Variants in TOMM40L observed in about 807,000 individuals in gnomAD.
TOMM40L encodes translocase of outer mitochondrial membrane 40 like, also known as mitochondrial import receptor subunit TOM40B.
TOMM40L carries 17 observed loss-of-function variants against 38.3 expected under a neutral mutation model. The observed-to-expected ratio is 0.44, with a 90% CI of 0.30 to 0.67. The LOEUF (loss-of-function observed/expected upper bound fraction) is 0.67. TOMM40L is among the 30% of genes least tolerant of loss of function. The pLI is 0.08. For synonymous variants in TOMM40L, 151 were observed against 150.2 expected (o/e 1.01, Z -0.04); for missense variants, 294 against 390.0 (o/e 0.75, Z 2.07).
Position 161,229,988 on chromosome 1 carries a change from T to G in TOMM40L, c.*893T>G. ...AGGGAAATAAGGCAGTTGGGAGTCT[T>G]GTCTCTAGGCCCTGATCCCCTGAAC... On this transcript the variant is annotated 3_prime_UTR_variant, in exon 10 of 10. Transcript: ENST00000367988. 1.3e-6 allele frequency: 2 copies of G among 1,592,544 alleles called. No individual in the cohort carries two copies. The highest frequency in any genetic ancestry group is 1.7e-6 in the Non-Finnish European group (2 of 1,164,060).
rs756772255 is a variant in TOMM40L, at chr1:161,226,939, T to C, written c.167T>C (p.Leu56Pro). The change falls in exon 3 of 10, where the codon CTG becomes CCG. Residue 56 changes from leucine to proline, a missense_variant. By Grantham distance (98) the Leu-to-Pro change is moderately conservative (BLOSUM62 -3). Coordinates refer to ENST00000367988, the MANE Select transcript of TOMM40L (RefSeq NM_032174.6). The part of the protein sequence containing the change: ...EGVKLVVNKV[L>P]SSHFQVAHTI... ...GTGAAGCTCGTTGTCAACAAGGTTC[T>C]GAGCAGCCATTTCCAGGTGCTCCCA... The C allele has an allele frequency of 6.2e-7, 1 of 1,614,182 alleles. No individual in the cohort carries two copies. The highest frequency in any genetic ancestry group is 1.7e-5 in the Admixed American group (1 of 60,012).
intron 4 of TOMM40L, 71 bp downstream of exon 4, chr1:161,227,421 T>C (rs776489602): frequency 2.5e-5 from 36 of 1,440,966 alleles, no homozygotes; most frequent in Non-Finnish European, 3.3e-5. Flanking sequence ...GGAAGAGGAA[T>C]TGTGTGTGTT....
Position 161,229,678 on chromosome 1 carries a change from T to C in TOMM40L, c.*583T>C. 1 of 1,613,992 alleles carries C rather than the reference T, an allele frequency of 6.2e-7. No individual in the cohort carries two copies. Among genetic ancestry groups the C allele is most frequent in the South Asian group, 1.1e-5 (1 of 91,078 alleles). ...CATGAAGAGGCAGTTATTGCTTTAG[T>C]CTTTCATTGCAACCACTGGGCTCCC... On this transcript the variant is annotated 3_prime_UTR_variant, in exon 10 of 10. Transcript: ENST00000367988.
In TOMM40L at chr1:161,230,406, T is replaced by A; in HGVS notation, c.*1311T>A. 1 of 377,982 alleles carries A rather than the reference T, an allele frequency of 2.6e-6. No homozygotes were observed. The highest frequency in any genetic ancestry group is 5.1e-5 in the East Asian group (1 of 19,636). The allele number at this position is 377,982 out of a possible 1,614,324, so 23.4% of individuals were successfully genotyped here. A position where few individuals can be genotyped will look rare whatever the true frequency, so the allele number is the denominator to read the frequency against. On this transcript the variant is annotated 3_prime_UTR_variant, in exon 10 of 10. Coordinates refer to ENST00000367988, the MANE Select transcript of TOMM40L (RefSeq NM_032174.6). ...TTGACCATGAAACTGTGAATGGCCCTAACTTCAAGGGAAATGAGAAATCGA... is the reference window on the plus strand; with the variant it reads ...TTGACCATGAAACTGTGAATGGCCCAAACTTCAAGGGAAATGAGAAATCGA...
rs754641564 is a variant in TOMM40L, at chr1:161,230,721, G to A, written c.*1626G>A. On this transcript the variant is annotated 3_prime_UTR_variant, in exon 10 of 10. Transcript: ENST00000367988. The stretch of plus-strand genomic sequence containing the variant: ...ACGATACCTGAATTCCCTAAGGAAA[G>A]GACAGTAAAAAAACATTCCTCCCAA... 63 of 1,556,204 alleles carry A rather than the reference G, an allele frequency of 4.0e-5. No individual in the cohort carries two copies. The highest frequency in any genetic ancestry group is 5.3e-5 in the Non-Finnish European group (60 of 1,138,124).
chr1:161,228,804 C>T lies in TOMM40L; in HGVS notation c.774C>T (p.Asn258=), dbSNP rs1339771911. The T allele has an allele frequency of 1.2e-6, 2 of 1,614,146 alleles. No homozygotes were observed. The highest frequency in any genetic ancestry group is 3.3e-5 in the Admixed American group (2 of 60,028). ...FGYHLTLPQA[N]MVFRGLVDSN... ...ACCACCTGACTCTGCCCCAGGCCAA[C>T]ATGGTATTTAGAGGTGAGGGTTATT... The change falls in exon 9 of 10, where the codon AAC becomes AAT. Residue 258 remains asparagine, a synonymous_variant. Transcript: ENST00000367988.
chr1:161,229,933 AG>A lies in TOMM40L; in HGVS notation c.*840del. On this transcript the variant is annotated 3_prime_UTR_variant, in exon 10 of 10. Coordinates refer to ENST00000367988, the MANE Select transcript of TOMM40L (RefSeq NM_032174.6). ...CAACTTCGCATACAGAAACCTTTGG[AG>A]GAAGTAGTGGGGTTGCCAGGAAAAC... is the stretch of plus-strand genomic sequence containing the variant. The A allele has an allele frequency of 6.2e-7, 1 of 1,614,108 alleles. No individual in the cohort carries two copies. The highest frequency in any genetic ancestry group is 8.5e-7 in the Non-Finnish European group (1 of 1,180,014).
At position 161,227,359 on chromosome 1, in the gene TOMM40L, T is replaced by C; in HGVS notation, c.276+9T>C. 6.2e-7 allele frequency: 1 copy of C among 1,612,814 alleles called. No homozygotes were observed. The highest frequency in any genetic ancestry group is 8.5e-7 in the Non-Finnish European group (1 of 1,178,950). ...AGCTCAGTCCCACTGAGGTGAGGGCTCCACACACCTGGGTCATCTCCCTAA... is the reference window on the plus strand; with the variant it reads ...AGCTCAGTCCCACTGAGGTGAGGGCCCCACACACCTGGGTCATCTCCCTAA... On this transcript the variant is annotated intron_variant, in intron 4 of 9. Coordinates refer to ENST00000367988, the MANE Select transcript of TOMM40L (RefSeq NM_032174.6).
At chr1:161,228,107 G>A in intron 6 of TOMM40L, 79 bp from the exon 7 acceptor site, 1 of 1,583,182 alleles carries the variant, frequency 6.3e-7, no homozygotes, top group Non-Finnish European at 8.6e-7. Flanking sequence ...GCAGGCTGGG[G>A]TGGCGGTTAT....
chr1:161,230,624 G>T lies in TOMM40L; in HGVS notation c.*1529G>T. 1 of 716,056 alleles carries T rather than the reference G, an allele frequency of 1.4e-6. No homozygotes were observed. The highest frequency in any genetic ancestry group is 2.3e-6 in the Non-Finnish European group (1 of 440,282). The allele number at this position is 716,056 out of a possible 1,614,324, so 44.4% of individuals were successfully genotyped here. A position where few individuals can be genotyped will look rare whatever the true frequency, so the allele number is the denominator to read the frequency against. ...CTGGAAAAAGTGAGATGAAACAGCA[G>T]TATCCAAATACAGCAATTTGGATGC... On this transcript the variant is annotated 3_prime_UTR_variant, in exon 10 of 10. Transcript: ENST00000367988.
chr1:161,229,675 TAGTCTTTC>T lies in TOMM40L; in HGVS notation c.*582_*589del. 6.2e-7 allele frequency: 1 copy of T among 1,613,992 alleles called. No individual in the cohort carries two copies. The highest frequency in any genetic ancestry group is 8.5e-7 in the Non-Finnish European group (1 of 1,179,930). ...CCGCATGAAGAGGCAGTTATTGCTT[TAGTCTTTC>T]ATTGCAACCACTGGGCTCCCTTTGA... On this transcript the variant is annotated 3_prime_UTR_variant, in exon 10 of 10. Coordinates refer to ENST00000367988, the MANE Select transcript of TOMM40L (RefSeq NM_032174.6).
chr1:161,227,537 C>A, intron 4 of TOMM40L, 99 bp from the exon 5 acceptor site: 1 of 1,121,270 alleles, frequency 8.9e-7, no homozygotes, highest in Non-Finnish European at 1.3e-6. Context: ...TGTGACTCCA[C>A]CAGGGGGCGC....
In TOMM40L at chr1:161,227,347, T is replaced by G. The variant is rs771253070; in HGVS notation, c.273T>G (p.Thr91=). The part of the protein sequence containing the change: ...AYAGDWQLSP[T]EVFPTVVGDM... ...CAGGGGATTGGCAGCTCAGTCCCAC[T>G]GAGGTGAGGGCTCCACACACCTGGG... Residue 91 remains threonine, a synonymous_variant, in exon 4 of 10, where the codon ACT becomes ACG. Coordinates refer to ENST00000367988, the MANE Select transcript of TOMM40L (RefSeq NM_032174.6). 6.2e-7 allele frequency: 1 copy of G among 1,613,958 alleles called. No homozygotes were observed.
chr1:161,227,800 G>T lies in TOMM40L; in HGVS notation c.378+63G>T, dbSNP rs549920015. 57 of 1,604,274 alleles carry T rather than the reference G, an allele frequency of 3.6e-5. 1 individual carries two copies. In the South Asian group the frequency reaches 5.9e-4, roughly 17 times the overall value. On this transcript the variant is annotated intron_variant, in intron 5 of 9. Coordinates refer to ENST00000367988, the MANE Select transcript of TOMM40L (RefSeq NM_032174.6). ...CCTCTTTCTCCTCCACGGGTTTCCT[G>T]CTCTGAGGGCTTGGAAGGAGGAGCA...
At chr1:161,228,143 A>G in intron 6 of TOMM40L, 43 bp from the exon 7 acceptor site, 1 of 1,571,594 alleles carries the variant, frequency 6.4e-7, no homozygotes, top group Non-Finnish European at 8.6e-7. Flanking sequence ...AGGTCTGGAT[A>G]TTGTCTCTAT....
Position 161,227,978 on chromosome 1 carries a change from T to C in TOMM40L, c.473T>C (p.Ile158Thr), listed in dbSNP as rs373773947. 72 of 1,613,972 alleles carry C rather than the reference T, an allele frequency of 4.5e-5. 1 individual carries two copies. The highest frequency in any genetic ancestry group is 3.3e-4 in the Middle Eastern group (2 of 6,062). ...ATLTLGNPDLIGESVIMVAHF... is the reference protein window; with the variant it reads ...ATLTLGNPDLTGESVIMVAHF... ...CTGACCCTAGGAAATCCTGACCTGA[T>C]TGGGGAGTCGGGTGAGGAACTGGGA... is the stretch of plus-strand genomic sequence containing the variant. The change falls in exon 6 of 10, where the codon ATT becomes ACT. Residue 158 changes from isoleucine (I) to threonine (T), a missense_variant. Coordinates refer to ENST00000367988, the MANE Select transcript of TOMM40L (RefSeq NM_032174.6).
intron 4 of TOMM40L, 116 bp downstream of exon 4, chr1:161,227,466 G>C: frequency 1.8e-6 from 2 of 1,122,502 alleles, no homozygotes; most frequent in Non-Finnish European, 2.6e-6. Flanking sequence ...GATTCTCTGT[G>C]TCTTTTCTGA....
At chr1:161,226,673 G>C in intron 2 of TOMM40L, 69 bp downstream of exon 2, 1 of 1,489,332 alleles carries the variant, frequency 6.7e-7, no homozygotes, top group Non-Finnish European at 9.2e-7. Context: ...AATGCCGGAT[G>C]TCCGGCGATG....
chr1:161,230,183 T>A lies in TOMM40L; in HGVS notation c.*1088T>A. 2.1e-6 allele frequency: 1 copy of A among 476,038 alleles called. No individual in the cohort carries two copies. The allele number at this position is 476,038 out of a possible 1,614,324, so 29.5% of individuals were successfully genotyped here. A position where few individuals can be genotyped will look rare whatever the true frequency, so the allele number is the denominator to read the frequency against. ...TCTGAGAGCCGAGTGTGAAGAAAGC[T>A]CCAGACTTGGCCAGAACTCCAACCA... On this transcript the variant is annotated 3_prime_UTR_variant, in exon 10 of 10. Transcript: ENST00000367988.
Sources: gnomAD v4.1 joint callset for allele counts on GRCh38, gnomAD v4.1.1 for gene constraint, MANE v1.5 for transcripts, NCBI Gene and HGNC (gene_info 2026-07-23, HGNC 2026-07-21) for gene names.